The following CHRNB3 variants were observed in gnomAD, a reference collection of about 807,000 sequenced individuals.
CHRNB3 encodes neuronal acetylcholine receptor subunit beta-3.
CHRNB3 carries 37 observed loss-of-function variants against 40.6 expected under a neutral mutation model. The observed-to-expected ratio is 0.91, with a 90% CI of 0.70 to 1.20. CHRNB3 has a LOEUF of 1.20. Among genes scored for constraint, CHRNB3 ranks in the 50% most tolerant of loss-of-function variants. CHRNB3 has a pLI of 0.00. For synonymous variants in CHRNB3, 207 were observed against 207.1 expected, an observed-to-expected ratio of 1.00 and a Z score of 0.00; for missense variants, 505 against 551.2, an observed-to-expected ratio of 0.92 and a Z score of 0.84.
Position 42,732,213 on chromosome 8 carries a change from C to A in CHRNB3, c.906C>A (p.Phe302Leu), listed in dbSNP as rs760394173. 1 of 1,609,902 alleles carries A rather than the reference C, an allele frequency of 6.2e-7. No homozygotes were observed. The highest frequency in any genetic ancestry group is 1.1e-5 in the South Asian group (1 of 90,206). ...CTCTCATTGGAGAGTACCTGCTGTTCATCATGATTTTTGTGACCCTGTCCA... is the reference window on the plus strand; with the variant it reads ...CTCTCATTGGAGAGTACCTGCTGTTAATCATGATTTTTGTGACCCTGTCCA... Reference protein sequence around the residue: ...VIPLIGEYLLFIMIFVTLSII... With the variant: ...VIPLIGEYLLLIMIFVTLSII... The change falls in exon 5 of 6, where the codon TTC becomes TTA. Residue 302 changes from phenylalanine to leucine, a missense_variant. Phe to Leu is a conservative substitution (Grantham distance 22). Transcript: ENST00000289957.
Position 42,736,720 on chromosome 8 carries a change from C to A in CHRNB3, c.*102C>A. The A allele has an allele frequency of 7.3e-7, 1 of 1,365,442 alleles. No homozygotes were observed. Among genetic ancestry groups the A allele is most frequent in the Non-Finnish European group, 1.0e-6 (1 of 975,864 alleles). The allele number at this position is 1,365,442 out of a possible 1,614,324, so 84.6% of individuals were successfully genotyped here. On this transcript the variant is annotated 3_prime_UTR_variant, in exon 6 of 6. Transcript: ENST00000289957. ...GTGCTTGTTCTACGAACCCCGAATG[C>A]GTTGTCTTTGTGGAAATGGAACATC...
At chr8:42,718,715 C>CT (rs904709544) in intron 3 of CHRNB3, among the ~76,000 whole-genome samples, 3 of 144,864 alleles carry the variant, frequency 2.1e-5, no homozygotes, top group Admixed American at 6.8e-5. Flanking sequence ...AATTCGGGGA[C>CT]TTTTTTTATA....
Position 42,732,042 on chromosome 8 carries a change from G to A in CHRNB3, c.735G>A (p.Leu245=), listed in dbSNP as rs758668667. Residue 245 remains leucine (L), a synonymous_variant, in exon 5 of 6, where the codon CTG becomes CTA. Transcript: ENST00000289957. ...CCCTCTTTCTCATCATCCCCTGCCT[G>A]GGGCTGTCTTTCCTAACAGTTCTTG... The part of the protein sequence containing the change: ...FYTLFLIIPC[L]GLSFLTVLVF... The A allele has an allele frequency of 3.7e-6, 6 of 1,613,966 alleles. No individual in the cohort carries two copies. The East Asian group carries it at 1.3e-4, about 36-fold the overall frequency.
At chr8:42,702,936 A>G (rs1815839880) in intron 1 of CHRNB3, among the ~76,000 whole-genome samples, 2 of 152,224 alleles carry the variant, frequency 1.3e-5, no homozygotes, top group African/African-American at 4.8e-5. Flanking sequence ...TGGCCGCCAG[A>G]AGACCACGCA....
At chr8:42,730,772 G>C (rs1029714111) in intron 4 of CHRNB3, 69 bp downstream of exon 4, 3 of 1,010,080 alleles carry the variant, frequency 3.0e-6, no homozygotes, top group African/African-American at 1.7e-5. Context: ...AAAAAGGCTG[G>C]GCGCGGTGGC....
intron 3 of CHRNB3, among the ~76,000 whole-genome samples, chr8:42,724,744 C>T (rs1404669853): frequency 6.6e-5 from 10 of 151,904 alleles, no homozygotes; most frequent in East Asian, 1.9e-4. Flanking sequence ...TTTGGGAGGC[C>T]GAGGCGGGCG....
Position 42,736,894 on chromosome 8 carries a change from T to C in CHRNB3, c.*276T>C. ...TCATAGGTCCAGGCTTGAGCTCACA[T>C]GTGGCCAGAGTGCACAAAAAGCTGT... On this transcript the variant is annotated 3_prime_UTR_variant, in exon 6 of 6. Transcript: ENST00000289957. The C allele has an allele frequency of 2.5e-6, 1 of 403,204 alleles. No homozygotes were observed. Among genetic ancestry groups the C allele is most frequent in the Non-Finnish European group, 4.4e-6 (1 of 226,104 alleles). 25.0% of individuals were successfully genotyped at this position (403,204 alleles called of 1,614,324 possible). A position where few individuals can be genotyped will look rare whatever the true frequency, so the allele number is the denominator to read the frequency against.
intron 3 of CHRNB3, among the ~76,000 whole-genome samples, chr8:42,721,117 T>C (rs889753681): frequency 4.6e-5 from 7 of 152,368 alleles, no homozygotes; most frequent in Non-Finnish European, 7.3e-5. Context: ...CTCTTAGCTA[T>C]GTGCTTGCAG....
intron 3 of CHRNB3, among the ~76,000 whole-genome samples, chr8:42,727,373 GAAAA>G (rs758556619): frequency 4.7e-5 from 4 of 85,116 alleles, no homozygotes; most frequent in African/African-American, 8.2e-5. Context: ...ACTCTGTCTC[GAAAA>G]AAAAAAAAAA....
At chr8:42,726,302 A>G (rs1318268441) in intron 3 of CHRNB3, 3 of 580,384 alleles carry the variant, frequency 5.2e-6, no homozygotes, top group Non-Finnish European at 9.1e-6. Context: ...CAGATTGGAA[A>G]GGAAGAAATA....
intron 3 of CHRNB3, among the ~76,000 whole-genome samples, chr8:42,726,918 A>G (rs892966507): frequency 6.6e-6 from 1 of 152,234 alleles, no homozygotes; most frequent in Non-Finnish European, 1.5e-5. Flanking sequence ...TTCCTGGGCC[A>G]GGAGAATCTA....
intron 2 of CHRNB3, 120 bp from the exon 3 acceptor site, chr8:42,710,270 G>A (rs1815992441): frequency 1.4e-6 from 1 of 737,976 alleles, no homozygotes; most frequent in African/African-American, 1.8e-5. Flanking sequence ...GTGAGCTATG[G>A]TGGCACCACT....
At chr8:42,709,075 A>C (rs1015169052) in intron 2 of CHRNB3, among the ~76,000 whole-genome samples, 1 of 152,152 alleles carries the variant, frequency 6.6e-6, no homozygotes, top group Non-Finnish European at 1.5e-5. Flanking sequence ...CAGCACTGTT[A>C]GTGTGGGACG....
At position 42,731,670 on chromosome 8, in the gene CHRNB3, T is replaced by C; in HGVS notation, c.363T>C (p.Ala121=). Residue 121 remains alanine, a synonymous_variant, in exon 5 of 6, where the codon GCT becomes GCC. Transcript: ENST00000289957. ...GGTGAAACTGCTTTGATTGCAGTGC[T>C]GACGGCCGCTTCGAAGGCTCCCTGA... The part of the protein sequence containing the change: ...WLPDIVLFEN[A]DGRFEGSLMT... 1 of 1,603,320 alleles carries C rather than the reference T, an allele frequency of 6.2e-7. No homozygotes were observed. Among genetic ancestry groups the C allele is most frequent in the Non-Finnish European group, 8.5e-7 (1 of 1,174,138 alleles).
At chr8:42,732,604 T>A in intron 5 of CHRNB3, 55 bp downstream of exon 5, 1 of 1,443,944 alleles carries the variant, frequency 6.9e-7, no homozygotes, top group South Asian at 1.4e-5. Flanking sequence ...CAAAGACAAA[T>A]ATTTTGACAT....
At chr8:42,731,577 T>G (rs974301401) in intron 4 of CHRNB3, 90 bp from the exon 5 acceptor site, 1 of 1,356,538 alleles carries the variant, frequency 7.4e-7, no homozygotes, top group South Asian at 1.5e-5. Context: ...AAAAGAAAAG[T>G]CATAAAACAG....
At chr8:42,726,511 GCT>G (rs1816312927) in intron 3 of CHRNB3, among the ~76,000 whole-genome samples, 1 of 145,228 alleles carries the variant, frequency 6.9e-6, no homozygotes, top group African/African-American at 2.6e-5. Flanking sequence ...ATACAGTCTA[GCT>G]CTGTCATCCA....
chr8:42,699,403 G>C (rs1815738716), intron 1 of CHRNB3: 1 of 152,174 alleles, frequency 6.6e-6, no homozygotes, highest in Non-Finnish European at 1.5e-5. Flanking sequence ...AGCATCTACT[G>C]TATCCTAGGA....
chr8:42,715,976 C>CTTTTT (rs34401500), intron 3 of CHRNB3, among the ~76,000 whole-genome samples: 4 of 124,174 alleles, frequency 3.2e-5, no homozygotes, highest in East Asian at 2.5e-4. Context: ...TTAAACTGAC[C>CTTTTT]TTTTTTTTTT....
Sources: allele counts gnomAD v4.1 joint callset (sites outside exome capture counted in the v4.1 genomes callset), GRCh38; gene constraint gnomAD v4.1.1; transcripts MANE v1.5; gene names NCBI Gene and HGNC (gene_info 2026-07-23, HGNC 2026-07-21).